MROH6: variants seen among roughly 807,000 people sequenced by gnomAD.
MROH6 encodes the protein maestro heat-like repeat-containing protein family member 6.
In MROH6, 62 loss-of-function variants were observed where a neutral mutation model predicts 67.7. That is an observed-to-expected ratio of 0.92 (90% CI 0.75 to 1.13). The LOEUF (loss-of-function observed/expected upper bound fraction) is 1.13. Among genes scored for constraint, MROH6 ranks in the 50% most tolerant of loss-of-function variants. MROH6 has a pLI of 0.00. For missense variants in MROH6, 1,175 were observed against 1,029.1 expected (o/e 1.14, Z -1.94); for synonymous variants, 566 against 470.8 (o/e 1.20, Z -2.62).
chr8:143,571,257 C>T, intron 3 of MROH6, among the ~76,000 whole-genome samples: 1 of 152,180 alleles, frequency 6.6e-6, no homozygotes, highest in Non-Finnish European at 1.5e-5. Flanking sequence ...GTGAAACAAA[C>T]CTGGCATTAT....
rs1389125731 is a variant in MROH6, at chr8:143,572,704, C to G, written c.11G>C (p.Gly4Ala). The G allele has an allele frequency of 5.4e-6, 8 of 1,489,102 alleles. No homozygotes were observed. Among genetic ancestry groups the G allele is most frequent in the Non-Finnish European group, 7.1e-6 (8 of 1,122,710 alleles). The allele number at this position is 1,489,102 out of a possible 1,614,324, so 92.2% of individuals were successfully genotyped here. ...CCGGGCCCGGCTCCGGCCCCACACA[C>G]CCCCAGCCATGGCGGCCCTTGCCTG... MAG[G>A]VWGRSRAREA... Residue 4 changes from glycine to alanine, a missense_variant, in exon 1 of 14, where the codon GGT becomes GCT. Transcript: ENST00000398882.
rs1188921963 is a variant in MROH6 at position 143,568,897 on chromosome 8, C to T, written c.1477-178G>A. On this transcript the variant is annotated intron_variant, in intron 9 of 13. Transcript: ENST00000398882. ...CCTGGTTGGGAAGCCTGGAGAGCCC[C>T]TGCAGGGGGTGGGGCTTGAAGGGAT... 7 of 531,534 alleles carry T rather than the reference C, an allele frequency of 1.3e-5. No individual in the cohort carries two copies. In the East Asian group the frequency reaches 2.0e-4, roughly 15 times the overall value. 32.9% of individuals were successfully genotyped at this position (531,534 alleles called of 1,614,324 possible).
rs1278043713 is a variant in MROH6 at position 143,571,679 on chromosome 8, A to C, written c.590T>G (p.Leu197Arg). 6.4e-7 allele frequency: 1 copy of C among 1,556,138 alleles called. No homozygotes were observed. Residue 197 changes from leucine to arginine, a missense_variant, in exon 3 of 14, where the codon CTG (leucine) becomes CGG (arginine). Leu to Arg is a moderately radical substitution (Grantham distance 102). Coordinates refer to ENST00000398882, the MANE Select transcript of MROH6 (RefSeq NM_001100878.2). ...ACGGTTGGGTTACCGATCGGCGGGCAGAGAGCGGGGTAGCAGCGCACACAC... is the reference window on the plus strand; with the variant it reads ...ACGGTTGGGTTACCGATCGGCGGGCCGAGAGCGGGGTAGCAGCGCACACAC... ...DVVCALLPRS[L>R]PADRVAAELW...
At chr8:143,568,433 C>A in intron 10 of MROH6, 119 bp downstream of exon 10, 1 of 1,438,140 alleles carries the variant, frequency 7.0e-7, no homozygotes, top group African/African-American at 1.4e-5. Context: ...CCCGTCACAC[C>A]TGCCACTGAG....
intron 8 of MROH6, 38 bp downstream of exon 8, chr8:143,569,659 G>C (rs764280130): frequency 4.1e-5 from 66 of 1,599,620 alleles, no homozygotes; most frequent in South Asian, 7.8e-5. Context: ...CGCCGCGACC[G>C]GGCCAAGCCC....
chr8:143,568,891 G>A, intron 9 of MROH6, 172 bp from the exon 10 acceptor site: 5 of 553,064 alleles, frequency 9.0e-6, no homozygotes, highest in Non-Finnish European at 1.6e-5. Context: ...GAAGCCTGGA[G>A]AGCCCCTGCA....
Position 143,570,994 on chromosome 8 carries a change from CCT to C in MROH6, c.603-2_603-1del. 2 of 1,548,754 alleles carry C rather than the reference CCT, an allele frequency of 1.3e-6. No individual in the cohort carries two copies. The highest frequency in any genetic ancestry group is 1.7e-6 in the Non-Finnish European group (2 of 1,146,848). ...GGCTGCGCCAGAGCTCGGCTGCTAC[CCT>C]GAGGGTTTGGAGGGGGCTGGTGTGA... On this transcript the variant is annotated splice_acceptor_variant, in intron 3 of 13. Coordinates refer to ENST00000398882, the MANE Select transcript of MROH6 (RefSeq NM_001100878.2). LOFTEE classifies it high-confidence loss of function.
In MROH6 at chr8:143,570,987, C is replaced by T; in HGVS notation, c.610G>A (p.Ala204Thr). ...PRSLPADRVA[A>T]ELWRSLSRNQ... ...CGGCTTAGGCTGCGCCAGAGCTCGG[C>T]TGCTACCCTGAGGGTTTGGAGGGGG... Residue 204 changes from alanine to threonine, a missense_variant, in exon 4 of 14, where the codon GCC (alanine) becomes ACC (threonine). Physicochemically the swap from Ala to Thr is moderately conservative, Grantham distance 58. Transcript: ENST00000398882. The T allele has an allele frequency of 6.5e-7, 1 of 1,548,858 alleles. No individual in the cohort carries two copies.
rs550613374 is a variant in MROH6 at position 143,571,712 on chromosome 8, C to G, written c.557G>C (p.Arg186Pro). 7.4e-5 allele frequency: 115 copies of G among 1,551,196 alleles called. No homozygotes were observed. Among genetic ancestry groups the G allele is most frequent in the Non-Finnish European group, 8.6e-5 (99 of 1,148,418 alleles). Residue 186 changes from arginine to proline, a missense_variant, in exon 3 of 14, where the codon CGG becomes CCG. Physicochemically the swap from Arg to Pro is moderately radical, Grantham distance 103. Coordinates refer to ENST00000398882, the MANE Select transcript of MROH6 (RefSeq NM_001100878.2). ...GGGTAGCAGCGCACACACCACGTCC[C>G]GCGCATGCTCCAGGGCCAGTGCGCT... The part of the protein sequence containing the change: ...VLSALALEHA[R>P]DVVCALLPRS...
Position 143,572,140 on chromosome 8 carries a change from A to T in MROH6, c.340T>A (p.Leu114Met). 1 of 1,613,012 alleles carries T rather than the reference A, an allele frequency of 6.2e-7. No homozygotes were observed. Among genetic ancestry groups the T allele is most frequent in the Non-Finnish European group, 8.5e-7 (1 of 1,179,860 alleles). ...TCCTCCAGGCAGGCAGCCGTGTACA[A>T]CGCGAGGTCGGCAAGAACTCCCTCC... ...WEEGVLADLA[L>M]YTAACLEEAG... Residue 114 changes from leucine to methionine, a missense_variant, in exon 2 of 14, where the codon TTG (leucine) becomes ATG (methionine). Transcript: ENST00000398882.
At chr8:143,568,404 A>T in intron 10 of MROH6, 143 bp from the exon 11 acceptor site, 1 of 1,430,550 alleles carries the variant, frequency 7.0e-7, no homozygotes, top group South Asian at 1.4e-5. Context: ...TCAAGGGAAG[A>T]GCAGTAGTAA....
intron 9 of MROH6, 105 bp downstream of exon 9, chr8:143,569,336 G>C: frequency 1.1e-6 from 1 of 935,792 alleles, no homozygotes; most frequent in Non-Finnish European, 1.4e-6. Context: ...GAGAGGGCGG[G>C]GCCTGGGCGG....
Position 143,570,060 on chromosome 8 carries a change from A to T in MROH6, c.1049T>A (p.Met350Lys). The change falls in exon 7 of 14, where the codon ATG (methionine) becomes AAG (lysine). Residue 350 changes from methionine to lysine, a missense_variant. Transcript: ENST00000398882. ...CAGGTGGTGGTCGGCATGTGCCACCATAGCACTGGGGTGGGTGGAAATGGG... is the reference window on the plus strand; with the variant it reads ...CAGGTGGTGGTCGGCATGTGCCACCTTAGCACTGGGGTGGGTGGAAATGGG... The part of the protein sequence containing the change: ...LEGVLLLASA[M>K]VAHADHHLRG... The T allele has an allele frequency of 6.2e-7, 1 of 1,610,598 alleles. No individual in the cohort carries two copies. Among genetic ancestry groups the T allele is most frequent in the Non-Finnish European group, 8.5e-7 (1 of 1,179,582 alleles).
chr8:143,572,444 G>C lies in MROH6; in HGVS notation c.271C>G (p.Pro91Ala). The change falls in exon 1 of 14, where the codon CCA becomes GCA. Residue 91 changes from proline (P) to alanine (A), a missense_variant. Pro to Ala is a conservative substitution (Grantham distance 27). Transcript: ENST00000398882. ...ACCTGGTGGGGCCCCTCAGGGGCTG[G>C]TTCCAGGGCACTGTTGAGGGAGCAG... is the stretch of plus-strand genomic sequence containing the variant. ...EPCSLNSALE[P>A]APEGPHQVPQ... is the part of the protein sequence containing the mutation. 1 of 1,592,284 alleles carries C rather than the reference G, an allele frequency of 6.3e-7. No individual in the cohort carries two copies.
In MROH6 at chr8:143,567,110, T is replaced by TG. The variant is rs1563912058; in HGVS notation, c.*128dup. On this transcript the variant is annotated 3_prime_UTR_variant, in exon 14 of 14. Coordinates refer to ENST00000398882, the MANE Select transcript of MROH6 (RefSeq NM_001100878.2). Reference sequence around the variant, plus strand: ...GGTGCCTGAAGAGGGGTCACGGGGGTGGGGGGTGGGGGAGGGCATTGGCGT... The same window carrying TG: ...GGTGCCTGAAGAGGGGTCACGGGGGTGGGGGGGTGGGGGAGGGCATTGGCGT... 9 of 261,516 alleles carry TG rather than the reference T, an allele frequency of 3.4e-5. No homozygotes were observed. In the South Asian group the frequency reaches 2.3e-3, roughly 66 times the overall value. The allele number at this position is 261,516 out of a possible 1,614,324, so 16.2% of individuals were successfully genotyped here.
chr8:143,567,858 A>T lies in MROH6; in HGVS notation c.1795T>A (p.Phe599Ile). ...VQRYPGHVPNFLSQTQGYLRS... is the reference protein window; with the variant it reads ...VQRYPGHVPNILSQTQGYLRS... Reference sequence around the variant, plus strand: ...AGGTAGCCCTGGGTCTGGCTCAGGAAGTTGGGCACGTGGCCTGGGTATCGC... The same window carrying T: ...AGGTAGCCCTGGGTCTGGCTCAGGATGTTGGGCACGTGGCCTGGGTATCGC... Residue 599 changes from phenylalanine to isoleucine, a missense_variant, in exon 12 of 14, where the codon TTC (phenylalanine) becomes ATC (isoleucine). Physicochemically the swap from Phe to Ile is conservative, Grantham distance 21. Coordinates refer to ENST00000398882, the MANE Select transcript of MROH6 (RefSeq NM_001100878.2). The T allele has an allele frequency of 6.5e-7, 1 of 1,528,882 alleles. No individual in the cohort carries two copies. Among genetic ancestry groups the T allele is most frequent in the Non-Finnish European group, 8.8e-7 (1 of 1,140,208 alleles). The allele number at this position is 1,528,882 out of a possible 1,614,324, so 94.7% of individuals were successfully genotyped here.
At position 143,571,689 on chromosome 8, in the gene MROH6, GTAGCAGCGCA is replaced by G; in HGVS notation, c.570_579del (p.Ala191ProfsTer9). The G allele has an allele frequency of 6.4e-7, 1 of 1,554,028 alleles. No individual in the cohort carries two copies. Among genetic ancestry groups the G allele is most frequent in the Non-Finnish European group, 8.7e-7 (1 of 1,149,548 alleles). On this transcript the variant is annotated frameshift_variant, in exon 3 of 14. Transcript: ENST00000398882. LOFTEE classifies it high-confidence loss of function. ...TACCGATCGGCGGGCAGAGAGCGGG[GTAGCAGCGCA>G]CACACCACGTCCCGCGCATGCTCCA...
At position 143,567,907 on chromosome 8, in the gene MROH6, G is replaced by C. The variant is rs773289987; in HGVS notation, c.1765-19C>G. 2.4e-5 allele frequency: 37 copies of C among 1,517,170 alleles called. No individual in the cohort carries two copies. Among genetic ancestry groups the C allele is most frequent in the Non-Finnish European group, 3.1e-5 (35 of 1,133,890 alleles). 94.0% of individuals were successfully genotyped at this position (1,517,170 alleles called of 1,614,324 possible). ...GCTGAACCTGGGGACAAAAGGGCTA[G>C]TGGCAGGACAGGAGGGCTGATCCTG... On this transcript the variant is annotated intron_variant, in intron 11 of 13. Transcript: ENST00000398882.
intron 4 of MROH6, 24 bp downstream of exon 4, chr8:143,570,853 C>CCCGG: frequency 2.7e-6 from 4 of 1,479,320 alleles, no homozygotes; most frequent in Non-Finnish European, 3.7e-6. Flanking sequence ...CCCCCACCCC[C>CCCGG]TGGTAATGGC....
Sources: gnomAD v4.1 joint callset for allele counts (sites outside exome capture counted in the v4.1 genomes callset) on GRCh38, gnomAD v4.1.1 for gene constraint, MANE v1.5 for transcripts, NCBI Gene and HGNC (gene_info 2026-07-23, HGNC 2026-07-21) for gene names.